The following SV2C variants were observed in gnomAD, a reference collection of about 807,000 sequenced individuals.
SV2C encodes the protein solute carrier family 22 member B3.
SV2C carries 49 observed loss-of-function variants against 79.7 expected under a neutral mutation model. The ratio of observed to expected loss-of-function variants is 0.61; its 90% CI spans 0.49 to 0.78. The LOEUF (loss-of-function observed/expected upper bound fraction) is 0.78. SV2C is among the 30% of genes least tolerant of loss of function. The probability of loss-of-function intolerance (pLI) is 0.00; values close to 1 mark genes in which losing one functional copy is unlikely to be tolerated. For missense variants in SV2C, 833 were observed against 912.9 expected (o/e 0.91, Z 1.13); for synonymous variants, 334 against 333.2 (o/e 1.00, Z -0.03).
At chr5:76,204,859 G>A (rs180904218) in intron 3 of SV2C, among the ~76,000 whole-genome samples, 11 of 152,288 alleles carry the variant, frequency 7.2e-5, no homozygotes, top group Admixed American at 3.3e-4. Context: ...AAGACGAGGC[G>A]TGGCTGTGAA....
chr5:76,261,221 A>G (rs2112457310), intron 4 of SV2C, among the ~76,000 whole-genome samples: 1 of 152,066 alleles, frequency 6.6e-6, no homozygotes, highest in African/African-American at 2.4e-5. Flanking sequence ...ATGGGAGGTC[A>G]CTCATGATTT....
At chr5:76,164,316 C>A (rs1485434197) in intron 2 of SV2C, among the ~76,000 whole-genome samples, 1 of 152,166 alleles carries the variant, frequency 6.6e-6, no homozygotes, top group Non-Finnish European at 1.5e-5. Context: ...TTACCTAGTT[C>A]CTTTTCCAGA....
chr5:76,184,685 G>A (rs568286292), intron 2 of SV2C, among the ~76,000 whole-genome samples: 23 of 152,276 alleles, frequency 1.5e-4, no homozygotes, highest in African/African-American at 5.3e-4. Flanking sequence ...TGAGTATCAT[G>A]AGAACAGCAT....
rs527945442 is a variant in SV2C, at chr5:76,220,565, G to A, written c.913+10678G>A. Among the ~76,000 whole-genome samples, 36 of 147,436 alleles carry A rather than the reference G, an allele frequency of 2.4e-4. No individual in the cohort carries two copies. In the South Asian group the frequency reaches 6.2e-3, roughly 26 times the overall value. On this transcript the variant is annotated intron_variant, in intron 4 of 12. Coordinates refer to ENST00000502798, the MANE Select transcript of SV2C (RefSeq NM_014979.4). ...CAGGTGCCTATAATTCCAGCTACTTGTGAGGCCAAGGCACCAGAATTGCTT... is the reference window on the plus strand; with the variant it reads ...CAGGTGCCTATAATTCCAGCTACTTATGAGGCCAAGGCACCAGAATTGCTT...
At chr5:76,310,648 A>T (rs933184122) in intron 12 of SV2C, among the ~76,000 whole-genome samples, 3 of 152,156 alleles carry the variant, frequency 2.0e-5, no homozygotes, top group Non-Finnish European at 4.4e-5. Flanking sequence ...GTGCCAATGG[A>T]GGTGGTGAGA....
intron 2 of SV2C, among the ~76,000 whole-genome samples, chr5:76,169,745 G>A (rs1349672851): frequency 1.3e-5 from 2 of 152,200 alleles, no homozygotes; most frequent in South Asian, 2.1e-4. Flanking sequence ...ACAATAGCAC[G>A]TGGAATTTGA....
intron 1 of SV2C, among the ~76,000 whole-genome samples, chr5:76,111,084 A>C (rs770168660): frequency 9.9e-5 from 15 of 152,224 alleles, no homozygotes; most frequent in Non-Finnish European, 1.9e-4. Flanking sequence ...ATGTCCCATG[A>C]ATGCATATCC....
At chr5:76,054,076 G>A in the SV2C span, among the ~76,000 whole-genome samples, 6 of 151,908 alleles carry the variant, frequency 3.9e-5, no homozygotes, top group Non-Finnish European at 7.4e-5. Context: ...TGCTGCAGCC[G>A]TCAACCCGGT....
Position 76,228,364 on chromosome 5 carries a change from G to A in SV2C, c.913+18477G>A, listed in dbSNP as rs577201873. Among the ~76,000 whole-genome samples the A allele has an allele frequency of 2.0e-5, 3 of 152,296 alleles. No homozygotes were observed. The South Asian group carries it at 6.2e-4, about 32-fold the overall frequency. ...CAGAAGACAGGCTGTGGTGACCCCA[G>A]AGTTGGTCTGTAACTCACAGAGGAA... On this transcript the variant is annotated intron_variant, in intron 4 of 12. Coordinates refer to ENST00000502798, the MANE Select transcript of SV2C (RefSeq NM_014979.4).
chr5:76,175,398 G>T (rs1356916852), intron 2 of SV2C, among the ~76,000 whole-genome samples: 1 of 152,106 alleles, frequency 6.6e-6, no homozygotes, highest in Non-Finnish European at 1.5e-5. Context: ...AAGGGAATTT[G>T]TCCTTTAAAG....
intron 2 of SV2C, among the ~76,000 whole-genome samples, chr5:76,179,585 C>T (rs997335203): frequency 1.3e-5 from 2 of 152,314 alleles, no homozygotes; most frequent in African/African-American, 4.8e-5. Flanking sequence ...TCTGGGTGAC[C>T]TTTCCTAAAA....
At chr5:75,852,386 T>C in the SV2C span, among the ~76,000 whole-genome samples, 1 of 151,410 alleles carries the variant, frequency 6.6e-6, no homozygotes, top group Non-Finnish European at 1.5e-5. Flanking sequence ...AGAACAAAGA[T>C]AAATAAAAAG....
intron 2 of SV2C, among the ~76,000 whole-genome samples, chr5:76,169,656 C>T (rs1743153359): frequency 1.3e-5 from 2 of 152,206 alleles, no homozygotes; most frequent in African/African-American, 4.8e-5. Context: ...TCATAATGCC[C>T]TTAACTGGTT....
chr5:76,049,527 G>A, the SV2C span, among the ~76,000 whole-genome samples: 2 of 152,116 alleles, frequency 1.3e-5, no homozygotes, highest in Admixed American at 1.3e-4. Context: ...ATGATGGTTG[G>A]CAGGATAATT....
At chr5:75,955,854 T>A in the SV2C span, among the ~76,000 whole-genome samples, 4 of 152,010 alleles carry the variant, frequency 2.6e-5, no homozygotes, top group African/African-American at 7.2e-5. Flanking sequence ...AGATACCATC[T>A]CATACCAGTT....
At chr5:75,889,206 G>A in the SV2C span, among the ~76,000 whole-genome samples, 8 of 151,266 alleles carry the variant, frequency 5.3e-5, no homozygotes, top group East Asian at 1.7e-3. Flanking sequence ...CAGGTTTTAA[G>A]CCCCACGTGC....
At chr5:76,351,507 A>C (rs1469233035) in intron 12 of SV2C, among the ~76,000 whole-genome samples, 1 of 151,748 alleles carries the variant, frequency 6.6e-6, no homozygotes, top group Non-Finnish European at 1.5e-5. Context: ...TGCTTTGGAA[A>C]CCTCTATGAG....
At chr5:76,093,413 A>G (rs868135574) in intron 1 of SV2C, among the ~76,000 whole-genome samples, 1 of 152,188 alleles carries the variant, frequency 6.6e-6, no homozygotes, top group Non-Finnish European at 1.5e-5. Context: ...TCCAGTCCAC[A>G]AGGTAGAGGC....
At position 76,352,192 on chromosome 5, in the gene SV2C, G is replaced by A. The variant is rs1041185976; in HGVS notation, c.2001-938G>A. Among the ~76,000 whole-genome samples the A allele has an allele frequency of 4.6e-5, 7 of 152,218 alleles. 1 individual carries two copies. The South Asian group carries it at 8.3e-4, about 18-fold the overall frequency. ...TGCGCCATTGCACTCCAGCCTGGGC[G>A]ACAGAGTGAGACTCTGTCTTAAAAC... On this transcript the variant is annotated intron_variant, in intron 12 of 12. Transcript: ENST00000322285.
Sources: allele counts gnomAD v4.1 joint callset (sites outside exome capture counted in the v4.1 genomes callset), GRCh38; gene constraint gnomAD v4.1.1; transcripts MANE v1.5; gene names NCBI Gene and HGNC (gene_info 2026-07-23, HGNC 2026-07-21).